TRPM3: variants seen among roughly 807,000 people sequenced by gnomAD.
The protein encoded by TRPM3 is transient receptor potential cation channel subfamily M member 3.
TRPM3 carries 77 observed loss-of-function variants against 181.2 expected under a neutral mutation model. That is an observed-to-expected ratio of 0.42 (90% CI 0.35 to 0.51). TRPM3 has a LOEUF of 0.51. TRPM3 is among the 20% of genes least tolerant of loss of function. The pLI is 0.01. For synonymous variants in TRPM3, 745 were observed against 796.4 expected (o/e 0.94, Z 1.09); for missense variants, 1,759 against 2,196.7 (o/e 0.80, Z 3.98).
At chr9:71,228,130 T>C (rs544385191) in intron 1 of TRPM3, among the ~76,000 whole-genome samples, 1 of 152,104 alleles carries the variant, frequency 6.6e-6, no homozygotes, top group Non-Finnish European at 1.5e-5. Context: ...AAAAGATCAC[T>C]CATCGTGACC....
chr9:71,396,646 G>C (rs1164923252), intron 1 of TRPM3, among the ~76,000 whole-genome samples: 1 of 151,112 alleles, frequency 6.6e-6, no homozygotes, highest in Non-Finnish European at 1.5e-5. Context: ...TCGAACTTTG[G>C]AATAAAATTC....
At chr9:70,555,971 T>A (rs2047597577) in intron 22 of TRPM3, among the ~76,000 whole-genome samples, 1 of 152,200 alleles carries the variant, frequency 6.6e-6, no homozygotes, top group Non-Finnish European at 1.5e-5. Flanking sequence ...AAAATAAACT[T>A]GTGAGAGGCA....
At chr9:70,582,570 A>G (rs2056152656) in intron 22 of TRPM3, among the ~76,000 whole-genome samples, 1 of 152,220 alleles carries the variant, frequency 6.6e-6, no homozygotes, top group African/African-American at 2.4e-5. Context: ...GAACAGTGCT[A>G]TCTAATTCAG....
chr9:70,839,046 A>G (rs1263984706), intron 5 of TRPM3, among the ~76,000 whole-genome samples: 1 of 152,146 alleles, frequency 6.6e-6, no homozygotes, highest in Non-Finnish European at 1.5e-5. Context: ...TTGCTATCTA[A>G]GAAAACAGTT....
rs1162355372 is a variant in TRPM3 at position 70,549,565 on chromosome 9, C to T, written c.3684G>A (p.Glu1228=). 3 of 1,613,488 alleles carry T rather than the reference C, an allele frequency of 1.9e-6. No individual in the cohort carries two copies. In the East Asian group the frequency reaches 6.7e-5, roughly 36 times the overall value. Residue 1228 remains glutamate, a synonymous_variant, in exon 25 of 26, where the codon GAG becomes GAA. Coordinates refer to ENST00000677713, the MANE Select transcript of TRPM3 (RefSeq NM_001366145.2). ...ACCTTTCTGAAGTCACCCGTATCCT[C>T]TCATCATTAGATGAGTTGAACCGAT... ...KDDRFNSSND[E]RIRVTSERVE... is the part of the protein sequence containing the mutation.
chr9:71,001,797 T>A (rs1056506209), intron 1 of TRPM3, among the ~76,000 whole-genome samples: 1 of 152,258 alleles, frequency 6.6e-6, no homozygotes, highest in Non-Finnish European at 1.5e-5. Flanking sequence ...TCATCTATTG[T>A]GTGGTGGTAG....
intron 1 of TRPM3, among the ~76,000 whole-genome samples, chr9:71,264,191 G>T (rs1412071696): frequency 6.6e-6 from 1 of 152,098 alleles, no homozygotes; most frequent in Non-Finnish European, 1.5e-5. Context: ...AGTAGGAGAA[G>T]AATGAAAAGG....
At chr9:71,330,147 C>T (rs958284656) in intron 1 of TRPM3, among the ~76,000 whole-genome samples, 13 of 151,816 alleles carry the variant, frequency 8.6e-5, no homozygotes, top group African/African-American at 2.7e-4. Flanking sequence ...TTCCTGCAGG[C>T]GGCTCTTGTG....
chr9:71,169,269 G>A (rs1587754659), intron 1 of TRPM3, among the ~76,000 whole-genome samples: 1 of 152,126 alleles, frequency 6.6e-6, no homozygotes, highest in South Asian at 2.1e-4. Context: ...CACATCTCCA[G>A]GTCAAATGTG....
intron 1 of TRPM3, among the ~76,000 whole-genome samples, chr9:71,414,799 T>C (rs1473002372): frequency 6.6e-6 from 1 of 152,094 alleles, no homozygotes; most frequent in African/African-American, 2.4e-5. Context: ...TCAGTCTTTT[T>C]GACTAAATAT....
intron 1 of TRPM3, among the ~76,000 whole-genome samples, chr9:71,185,294 C>T (rs987593656): frequency 2.6e-5 from 4 of 152,142 alleles, no homozygotes; most frequent in Non-Finnish European, 5.9e-5. Flanking sequence ...TTCATTTCCA[C>T]ACTTTTCTTC....
At position 70,841,624 on chromosome 9, in the gene TRPM3, C is replaced by CTATATATATA. The variant is rs72421594; in HGVS notation, c.801+1369_801+1378dup. 4.7e-3 allele frequency among the ~76,000 whole-genome samples: 343 copies of CTATATATATA among 72,780 alleles called. 1 individual carries two copies. Among genetic ancestry groups the CTATATATATA allele is most frequent in the Middle Eastern group, 7.9e-3 (1 of 126 alleles). The allele number at this position is 72,780 out of a possible 152,430, so 47.7% of individuals were successfully genotyped here. ...ATTGGATATATATATCTATATCCCA[C>CTATATATATA]TATATATATATATATATATATATAT... On this transcript the variant is annotated intron_variant, in intron 5 of 25. Transcript: ENST00000677713.
chr9:70,804,095 C>A (rs1261362235), intron 6 of TRPM3, among the ~76,000 whole-genome samples: 2 of 151,988 alleles, frequency 1.3e-5, no homozygotes, highest in African/African-American at 4.8e-5. Flanking sequence ...CTTTGGGAGG[C>A]CGAGGCGGGT....
At chr9:71,332,138 C>T (rs1041768958) in intron 1 of TRPM3, among the ~76,000 whole-genome samples, 6 of 151,666 alleles carry the variant, frequency 4.0e-5, no homozygotes, top group Non-Finnish European at 7.4e-5. Context: ...CTAATAACCC[C>T]TTCACTAAGA....
chr9:71,000,322 A>G (rs908774108), intron 1 of TRPM3, among the ~76,000 whole-genome samples: 1 of 152,194 alleles, frequency 6.6e-6, no homozygotes, highest in Non-Finnish European at 1.5e-5. Context: ...TTGAATTCCA[A>G]CTCATTTTTG....
Position 70,536,707 on chromosome 9 carries a change from C to A in TRPM3, c.4406G>T (p.Arg1469Leu), listed in dbSNP as rs765032665. Reference sequence around the variant, plus strand: ...GGTGATGTCCTCAAAATCAATGCTCCGGCTTGGAGGTCTGTCTGTGGGTGC... The same window carrying A: ...GGTGATGTCCTCAAAATCAATGCTCAGGCTTGGAGGTCTGTCTGTGGGTGC... ...TLAPTDRPPS[R>L]SIDFEDITSM... is the part of the protein sequence containing the mutation. The change falls in exon 26 of 26, where the codon CGG (arginine) becomes CTG (leucine). Residue 1469 changes from arginine to leucine, a missense_variant. Around this residue, in one of 8 missense-constraint regions of TRPM3, gnomAD observed 612 missense variants for 590.0 expected, o/e 1.04. Coordinates refer to ENST00000677713, the MANE Select transcript of TRPM3 (RefSeq NM_001366145.2). The A allele has an allele frequency of 9.9e-6, 16 of 1,613,996 alleles. No individual in the cohort carries two copies. The highest frequency in any genetic ancestry group is 9.3e-5 in the African/African-American group (7 of 74,894).
intron 9 of TRPM3, among the ~76,000 whole-genome samples, chr9:70,659,446 T>G (rs1358528459): frequency 6.6e-6 from 1 of 152,130 alleles, no homozygotes; most frequent in Non-Finnish European, 1.5e-5. Context: ...TACAAAGTCT[T>G]ATCTGAGATT....
intron 1 of TRPM3, among the ~76,000 whole-genome samples, chr9:71,336,859 T>C (rs1049901586): frequency 6.6e-6 from 1 of 152,190 alleles, no homozygotes; most frequent in Non-Finnish European, 1.5e-5. Flanking sequence ...GGGAAAGGAT[T>C]CCCTATTTAA....
At chr9:70,621,001 T>C (rs1429619155) in intron 15 of TRPM3, among the ~76,000 whole-genome samples, 2 of 147,520 alleles carry the variant, frequency 1.4e-5, no homozygotes, top group African/African-American at 4.9e-5. Flanking sequence ...GCAACCCTTA[T>C]GACACATTAT....
Sources: gnomAD v4.1 joint callset for allele counts (sites outside exome capture counted in the v4.1 genomes callset) on GRCh38, gnomAD v4.1.1 for gene constraint, gnomAD v4.1.1 regional missense constraint, MANE v1.5 for transcripts, NCBI Gene and HGNC (gene_info 2026-07-23, HGNC 2026-07-21) for gene names.